Variants in TMEM117 observed in about 807,000 individuals in gnomAD.
TMEM117 encodes the protein transmembrane protein 117.
Under a neutral mutation model 52.4 loss-of-function variants are expected in TMEM117, and 27 were observed. The ratio of observed to expected loss-of-function variants is 0.51; its 90% confidence interval spans 0.38 to 0.71. The LOEUF (loss-of-function observed/expected upper bound fraction) is 0.71, where lower values mean the gene tolerates loss of function less well. TMEM117 is among the 30% of genes least tolerant of loss of function. The pLI is 0.00. For synonymous variants in TMEM117, 215 were observed against 206.3 expected, an observed-to-expected ratio of 1.04 and a Z score of -0.36; for missense variants, 556 against 630.5, an observed-to-expected ratio of 0.88 and a Z score of 1.26.
chr12:44,371,247 A>C (rs1415492876), intron 6 of TMEM117, among the ~76,000 whole-genome samples: 1 of 152,206 alleles, frequency 6.6e-6, no homozygotes, highest in African/African-American at 2.4e-5. Flanking sequence ...TGATGTTATG[A>C]TATTCATAGA....
chr12:44,215,110 A>G (rs1417702878), intron 5 of TMEM117, among the ~76,000 whole-genome samples: 3 of 152,194 alleles, frequency 2.0e-5, no homozygotes, highest in African/African-American at 7.2e-5. Flanking sequence ...GTGAAAAAAA[A>G]TGTATGGTGG....
intron 3 of TMEM117, among the ~76,000 whole-genome samples, chr12:44,094,636 C>G (rs186866408): frequency 6.6e-6 from 1 of 152,180 alleles, no homozygotes; most frequent in Admixed American, 6.6e-5. Context: ...TCTTTCATGT[C>G]CAGTATTTAA....
chr12:44,115,454 C>G (rs1165215841), intron 3 of TMEM117, among the ~76,000 whole-genome samples: 6 of 151,902 alleles, frequency 3.9e-5, no homozygotes, highest in South Asian at 4.1e-4. Flanking sequence ...ACTTAAAGTA[C>G]AATTTAAAAA....
intron 3 of TMEM117, among the ~76,000 whole-genome samples, chr12:43,972,718 C>T (rs1945610646): frequency 6.6e-6 from 1 of 152,054 alleles, no homozygotes; most frequent in Non-Finnish European, 1.5e-5. Flanking sequence ...TTACAAACCT[C>T]TAGCTAGCTA....
chr12:44,203,694 T>C (rs906681010), intron 4 of TMEM117, among the ~76,000 whole-genome samples: 2 of 152,212 alleles, frequency 1.3e-5, no homozygotes, highest in African/African-American at 4.8e-5. Flanking sequence ...TGTGCCTTAA[T>C]TTCACTCTGT....
intron 2 of TMEM117, among the ~76,000 whole-genome samples, chr12:43,931,399 C>G (rs1030596389): frequency 1.3e-5 from 2 of 152,078 alleles, no homozygotes; most frequent in African/African-American, 4.8e-5. Context: ...GGCATCCAAT[C>G]AAAAATTACT....
At chr12:43,807,735 G>T in the TMEM117 span, among the ~76,000 whole-genome samples, 38 of 152,240 alleles carry the variant, frequency 2.5e-4, no homozygotes, top group African/African-American at 9.1e-4. Context: ...GTCTAGTTAG[G>T]TTGGGACCAC....
intron 2 of TMEM117, among the ~76,000 whole-genome samples, chr12:43,887,175 G>T (rs552899615): frequency 1.6e-4 from 24 of 152,282 alleles, no homozygotes; most frequent in Non-Finnish European, 1.5e-4. Context: ...TCAGTGAGGG[G>T]TTGGGTGGCT....
At chr12:44,222,485 G>C (rs764975399) in intron 5 of TMEM117, among the ~76,000 whole-genome samples, 2 of 152,200 alleles carry the variant, frequency 1.3e-5, no homozygotes, top group African/African-American at 2.4e-5. Flanking sequence ...GCTACAGTCA[G>C]AGAAGCCCTG....
chr12:43,797,537 A>C, the TMEM117 span: 2 of 1,368,040 alleles, frequency 1.5e-6, no homozygotes, highest in Non-Finnish European at 2.0e-6. Context: ...CCAAGAGATA[A>C]AGGAGGAACT....
intron 6 of TMEM117, among the ~76,000 whole-genome samples, chr12:44,363,255 G>T (rs371534079): frequency 1.3e-5 from 2 of 152,254 alleles, no homozygotes; most frequent in African/African-American, 4.8e-5. Flanking sequence ...AACCTGCCAT[G>T]TAGTATCATT....
chr12:43,912,040 A>G (rs966991140), intron 2 of TMEM117, among the ~76,000 whole-genome samples: 4 of 124,720 alleles, frequency 3.2e-5, no homozygotes, highest in African/African-American at 1.1e-4. Context: ...ATAAAGACAC[A>G]TGCACACGTA....
intron 3 of TMEM117, among the ~76,000 whole-genome samples, chr12:43,981,639 A>C (rs1945762224): frequency 6.6e-6 from 1 of 152,188 alleles, no homozygotes; most frequent in Admixed American, 6.5e-5. Flanking sequence ...TAATACCTCT[A>C]CCTAGTCCAA....
chr12:44,321,484 C>A (rs1179593327), intron 6 of TMEM117, among the ~76,000 whole-genome samples: 1 of 152,098 alleles, frequency 6.6e-6, no homozygotes, highest in Non-Finnish European at 1.5e-5. Context: ...CTGAACATGG[C>A]AGACCCCATG....
At chr12:44,329,668 C>T (rs550403613) in intron 6 of TMEM117, among the ~76,000 whole-genome samples, 1 of 152,192 alleles carries the variant, frequency 6.6e-6, no homozygotes, top group East Asian at 1.9e-4. Flanking sequence ...CTCCCCATTC[C>T]TTTCTCCCCT....
intron 3 of TMEM117, among the ~76,000 whole-genome samples, chr12:44,124,017 ATTCT>A (rs1948281544): frequency 6.6e-6 from 1 of 150,674 alleles, no homozygotes; most frequent in South Asian, 2.1e-4. Flanking sequence ...AACAATATAG[ATTCT>A]TTCTATCCAT....
At chr12:44,170,256 G>A (rs1949026083) in intron 4 of TMEM117, among the ~76,000 whole-genome samples, 1 of 132,986 alleles carries the variant, frequency 7.5e-6, no homozygotes, top group Non-Finnish European at 1.5e-5. Flanking sequence ...AGAACACATG[G>A]ACACAGGGTG....
intron 5 of TMEM117, among the ~76,000 whole-genome samples, chr12:44,274,929 G>A (rs556772918): frequency 1.3e-5 from 2 of 152,130 alleles, no homozygotes; most frequent in African/African-American, 2.4e-5. Flanking sequence ...AGAAGCAAAG[G>A]CAACCAAAGG....
intron 6 of TMEM117, among the ~76,000 whole-genome samples, chr12:44,352,578 G>A (rs1951579932): frequency 6.6e-6 from 1 of 152,040 alleles, no homozygotes; most frequent in Non-Finnish European, 1.5e-5. Context: ...AGTTTGCTGT[G>A]AATGATGGTT....
Sources: gnomAD v4.1 joint callset for allele counts (sites outside exome capture counted in the v4.1 genomes callset) on GRCh38, gnomAD v4.1.1 for gene constraint, MANE v1.5 for transcripts, NCBI Gene and HGNC (gene_info 2026-07-23, HGNC 2026-07-21) for gene names.